TMEM154: variants seen among roughly 807,000 people sequenced by gnomAD.
TMEM154 encodes the protein transmembrane protein 154.
In TMEM154, 27 loss-of-function variants were observed where a neutral mutation model predicts 24.5. The observed-to-expected ratio is 1.10, with a 90% CI of 0.81 to 1.52. The LOEUF is 1.52. Among genes scored for constraint, TMEM154 ranks in the 40% most tolerant of loss-of-function variants. The pLI is 0.00. For missense variants in TMEM154, 228 were observed against 213.4 expected (o/e 1.07, Z -0.43); for synonymous variants, 67 against 76.8 (o/e 0.87, Z 0.67).
At chr4:152,651,954 G>C (rs1428036504) in intron 3 of TMEM154, among the ~76,000 whole-genome samples, 1 of 152,160 alleles carries the variant, frequency 6.6e-6, no homozygotes, top group African/African-American at 2.4e-5. Context: ...TCTGTATCAG[G>C]GAATAGAGAG....
rs888154775 is a variant in TMEM154, at chr4:152,626,627, T to C, written c.*1919A>G. On this transcript the variant is annotated 3_prime_UTR_variant, in exon 7 of 7. Transcript: ENST00000304385. ...CTGCATGAGAATATTTTTATCATAT[T>C]ATATAATATGACTTCATCAACATGA... 2 of 152,210 alleles carry C rather than the reference T, an allele frequency of 1.3e-5. No homozygotes were observed. Among genetic ancestry groups the C allele is most frequent in the African/African-American group, 4.8e-5 (2 of 41,446 alleles). The allele number at this position is 152,210 out of a possible 1,614,324, so 9.4% of individuals were successfully genotyped here. A position where few individuals can be genotyped will look rare whatever the true frequency, so the allele number is the denominator to read the frequency against.
chr4:152,629,530 C>A (rs1054916068), intron 6 of TMEM154, among the ~76,000 whole-genome samples: 1 of 152,218 alleles, frequency 6.6e-6, no homozygotes, highest in Non-Finnish European at 1.5e-5. Flanking sequence ...CACAGCTCCA[C>A]CAAGTCTCCT....
chr4:152,636,617 A>T (rs1752153363), intron 6 of TMEM154, among the ~76,000 whole-genome samples: 2 of 152,250 alleles, frequency 1.3e-5, no homozygotes, highest in Non-Finnish European at 2.9e-5. Flanking sequence ...TGAGACAAGG[A>T]TAAAGTTCTG....
chr4:152,628,595 A>AAAC, intron 6 of TMEM154, 34 bp from the exon 7 acceptor site: 1 of 1,174,782 alleles, frequency 8.5e-7, no homozygotes, highest in Non-Finnish European at 1.1e-6. Context: ...AAAAAAAACA[A>AAAC]AAAAAACACA....
intron 6 of TMEM154, 82 bp downstream of exon 6, chr4:152,640,846 A>T: frequency 1.7e-6 from 2 of 1,207,284 alleles, no homozygotes; most frequent in Non-Finnish European, 2.4e-6. Context: ...CGGAGGAGGT[A>T]AGCAAAAAGT....
In TMEM154 at chr4:152,652,910, C is replaced by T; in HGVS notation, c.82G>A (p.Glu28Lys). 6.2e-7 allele frequency: 1 copy of T among 1,601,726 alleles called. No individual in the cohort carries two copies. Among genetic ancestry groups the T allele is most frequent in the Non-Finnish European group, 8.5e-7 (1 of 1,175,300 alleles). Residue 28 changes from glutamate (E) to lysine (K), a missense_variant, in exon 2 of 7, where the codon GAA becomes AAA. Coordinates refer to ENST00000304385, the MANE Select transcript of TMEM154 (RefSeq NM_152680.3). The stretch of plus-strand genomic sequence containing the variant: ...TCCACAGTTGTATCTCCTGAGTTTT[C>T]TAATTCCTCATAATTACCTGTGGGA... ...PVGRGNYEEL[E>K]NSGDTTVESE...
At chr4:152,646,470 G>A in intron 3 of TMEM154, 1 of 157,270 alleles carries the variant, frequency 6.4e-6, no homozygotes, top group South Asian at 1.9e-4. Flanking sequence ...CATTAAACCA[G>A]GAGGAAGACC....
intron 3 of TMEM154, among the ~76,000 whole-genome samples, chr4:152,648,824 C>T (rs1378536806): frequency 1.3e-5 from 2 of 152,178 alleles, no homozygotes; most frequent in African/African-American, 4.8e-5. Context: ...CCCCCCACCC[C>T]TTGAGTCCAT....
At chr4:152,636,941 G>A (rs563592455) in intron 6 of TMEM154, among the ~76,000 whole-genome samples, 1 of 152,308 alleles carries the variant, frequency 6.6e-6, no homozygotes, top group South Asian at 2.1e-4. Flanking sequence ...AAATTCACCT[G>A]TATACTACTT....
At chr4:152,665,461 A>G (rs1207365514) in intron 1 of TMEM154, among the ~76,000 whole-genome samples, 1 of 152,232 alleles carries the variant, frequency 6.6e-6, no homozygotes, top group African/African-American at 2.4e-5. Flanking sequence ...CTCTATCACC[A>G]GAATACAATA....
Position 152,626,964 on chromosome 4 carries a change from G to A in TMEM154, c.*1582C>T, listed in dbSNP as rs1751933131. The stretch of plus-strand genomic sequence containing the variant: ...AAAACACAAAGCCTCATTCAGATGT[G>A]CTGGTGAGAATATGACAGAAAATCT... On this transcript the variant is annotated 3_prime_UTR_variant, in exon 7 of 7. Transcript: ENST00000304385. 1.3e-5 allele frequency: 2 copies of A among 152,230 alleles called. No individual in the cohort carries two copies. The highest frequency in any genetic ancestry group is 2.9e-5 in the Non-Finnish European group (2 of 68,044). The allele number at this position is 152,230 out of a possible 1,614,324, so 9.4% of individuals were successfully genotyped here. A position where few individuals can be genotyped will look rare whatever the true frequency, so the allele number is the denominator to read the frequency against.
intron 1 of TMEM154, chr4:152,668,924 G>A (rs1728775412): frequency 6.6e-6 from 1 of 152,152 alleles, no homozygotes; most frequent in Non-Finnish European, 1.5e-5. Flanking sequence ...TAAAGCAACT[G>A]GGCTTCTGGT....
Position 152,649,301 on chromosome 4 carries a change from A to T in TMEM154, c.364+3237T>A, listed in dbSNP as rs10003323. 3.6e-3 allele frequency among the ~76,000 whole-genome samples: 550 copies of T among 152,328 alleles called. 3 individuals carry two copies. Among genetic ancestry groups the T allele is most frequent in the African/African-American group, 0.012 (519 of 41,578 alleles). On this transcript the variant is annotated intron_variant, in intron 3 of 6. Transcript: ENST00000304385. ...ATAAAGGCTTTAACTTAAAAATCGAATCCGAGCGAGTTTTACTGGCACAAG... is the reference window on the plus strand; with the variant it reads ...ATAAAGGCTTTAACTTAAAAATCGATTCCGAGCGAGTTTTACTGGCACAAG...
chr4:152,653,190 G>C (rs758945247), intron 1 of TMEM154, among the ~76,000 whole-genome samples: 105 of 152,260 alleles, frequency 6.9e-4, no homozygotes, highest in African/African-American at 2.4e-3. Context: ...TTTTAGATAC[G>C]CTTAAGCAAA....
intron 3 of TMEM154, among the ~76,000 whole-genome samples, chr4:152,650,103 T>G (rs1319502802): frequency 6.6e-6 from 1 of 152,200 alleles, no homozygotes; most frequent in Admixed American, 6.5e-5. Context: ...TGGTGGTTGC[T>G]GATGGTTGGG....
rs1489878214 is a variant in TMEM154, at chr4:152,628,530, T to C, written c.*16A>G. The C allele has an allele frequency of 7.6e-7, 1 of 1,308,844 alleles. No homozygotes were observed. The highest frequency in any genetic ancestry group is 1.0e-6 in the Non-Finnish European group (1 of 1,000,218). The allele number at this position is 1,308,844 out of a possible 1,614,324, so 81.1% of individuals were successfully genotyped here. On this transcript the variant is annotated 3_prime_UTR_variant, in exon 7 of 7. Coordinates refer to ENST00000304385, the MANE Select transcript of TMEM154 (RefSeq NM_152680.3). ...CAGGGGCTGCTTCTCTTGGAAAACA[T>C]GAGCGCCATTCAGGTTTAGGATTCA...
intron 1 of TMEM154, among the ~76,000 whole-genome samples, chr4:152,671,274 C>T (rs951530106): frequency 3.3e-5 from 5 of 151,964 alleles, no homozygotes; most frequent in African/African-American, 1.2e-4. Flanking sequence ...AAGACCAGCT[C>T]ATCATTAGCT....
Position 152,632,206 on chromosome 4 carries a change from C to CT in TMEM154, c.537-3646dup, listed in dbSNP as rs1373577630. Among the ~76,000 whole-genome samples the CT allele has an allele frequency of 5.9e-5, 9 of 152,024 alleles. No individual in the cohort carries two copies. In the East Asian group the frequency reaches 1.5e-3, roughly 26 times the overall value. On this transcript the variant is annotated intron_variant, in intron 6 of 6. Coordinates refer to ENST00000304385, the MANE Select transcript of TMEM154 (RefSeq NM_152680.3). The stretch of plus-strand genomic sequence containing the variant: ...TAATATTTTTCTATATTTTTTCTGG[C>CT]TTTTTTTCTTTCTTTTTAACACTCA...
At chr4:152,671,469 C>T (rs1041949860) in intron 1 of TMEM154, among the ~76,000 whole-genome samples, 2 of 151,990 alleles carry the variant, frequency 1.3e-5, no homozygotes, top group East Asian at 3.9e-4. Context: ...TAGCCTAGGC[C>T]GGGCGCGGTG....
Sources: allele counts gnomAD v4.1 joint callset (sites outside exome capture counted in the v4.1 genomes callset), GRCh38; gene constraint gnomAD v4.1.1; transcripts MANE v1.5; gene names NCBI Gene and HGNC (gene_info 2026-07-23, HGNC 2026-07-21).